The following TTC3 variants were observed in gnomAD, a reference collection of about 807,000 sequenced individuals.
TTC3 encodes E3 ubiquitin-protein ligase TTC3.
TTC3 carries 180 observed loss-of-function variants against 249.6 expected under a neutral mutation model. The ratio of observed to expected loss-of-function variants is 0.72; its 90% CI spans 0.64 to 0.82. TTC3 has a LOEUF of 0.82. Ranked by LOEUF, TTC3 falls within the 40% of genes least tolerant of loss-of-function variation. The pLI is 0.00. For synonymous variants in TTC3, 717 were observed against 805.0 expected (o/e 0.89, Z 1.85); for missense variants, 2,061 against 2,398.4 (o/e 0.86, Z 2.94).
At chr21:37,090,153 A>T (rs2073059844) in intron 5 of TTC3, 80 bp from the exon 6 acceptor site, 1 of 1,074,526 alleles carries the variant, frequency 9.3e-7, no homozygotes, top group Admixed American at 1.9e-5. Context: ...TGTTCCTAAA[A>T]TGTAGGCCAT....
chr21:37,095,157 G>GTC (rs2073794825), intron 8 of TTC3, among the ~76,000 whole-genome samples, 193 bp from the exon 9 acceptor site: 1 of 151,788 alleles, frequency 6.6e-6, no homozygotes, highest in Admixed American at 6.6e-5. Context: ...GTGTGTGTGT[G>GTC]TGTGTGTATA....
At chr21:37,101,416 C>G (rs1429233306) in intron 10 of TTC3, 4 of 147,910 alleles carry the variant, frequency 2.7e-5, no homozygotes, top group African/African-American at 1.0e-4. Flanking sequence ...TCACTCTGCC[C>G]TCTGGTGTGT....
At chr21:37,133,654 C>T (rs1286590888) in intron 17 of TTC3, among the ~76,000 whole-genome samples, 2 of 152,270 alleles carry the variant, frequency 1.3e-5, no homozygotes, top group Non-Finnish European at 1.5e-5. Context: ...GATATGATTT[C>T]GGCCTGCTCT....
At chr21:37,177,057 G>A (rs1267132544) in intron 35 of TTC3, among the ~76,000 whole-genome samples, 1 of 152,130 alleles carries the variant, frequency 6.6e-6, no homozygotes, top group Admixed American at 6.6e-5. Flanking sequence ...GCTCGGCTGG[G>A]TCAGTTCACC....
intron 9 of TTC3, 146 bp from the exon 10 acceptor site, chr21:37,096,435 T>C (rs1295372832): frequency 1.8e-6 from 1 of 553,440 alleles, no homozygotes; most frequent in East Asian, 3.1e-5. Flanking sequence ...CTTCGCCAGT[T>C]AAGACTCCAG....
At chr21:37,162,954 A>T (rs1783035) in intron 31 of TTC3, among the ~76,000 whole-genome samples, 1 of 152,086 alleles carries the variant, frequency 6.6e-6, no homozygotes, top group Non-Finnish European at 1.5e-5. Context: ...TATAAGGGCA[A>T]TAAGTCCATT....
chr21:37,132,574 A>G, intron 16 of TTC3, 108 bp from the exon 17 acceptor site: 3 of 683,570 alleles, frequency 4.4e-6, no homozygotes, highest in Non-Finnish European at 6.7e-6. Context: ...CGGCCTCCCA[A>G]AGTGCTGGGA....
chr21:37,148,593 C>A (rs752499467), exon 23 of TTC3: 4 of 1,605,870 alleles, frequency 2.5e-6, no homozygotes, highest in Non-Finnish European at 3.4e-6. Flanking sequence ...TAGAATTTCA[C>A]ATGAATTGCT....
At chr21:37,077,965 A>T (rs2071131436) in intron 1 of TTC3, among the ~76,000 whole-genome samples, 2 of 152,168 alleles carry the variant, frequency 1.3e-5, no homozygotes, top group Non-Finnish European at 2.9e-5. Flanking sequence ...AGAGGTTTTA[A>T]AATGATGTCT....
intron 1 of TTC3, among the ~76,000 whole-genome samples, chr21:37,076,103 T>C (rs915347445): frequency 6.6e-6 from 1 of 152,224 alleles, no homozygotes; most frequent in African/African-American, 2.4e-5. Flanking sequence ...TTATGCCTTG[T>C]TTTTAAAAAT....
chr21:37,150,104 C>G (rs772157276), exon 24 of TTC3: 1 of 1,611,620 alleles, frequency 6.2e-7, no homozygotes, highest in Non-Finnish European at 8.5e-7. Flanking sequence ...TATGTCTTAC[C>G]CCTGACTGTG....
chr21:37,192,088 C>T (rs767653149), intron 40 of TTC3, 24 bp from the exon 41 acceptor site: 1 of 1,465,166 alleles, frequency 6.8e-7, no homozygotes, highest in Non-Finnish European at 9.4e-7. Flanking sequence ...TGTGGTTTTC[C>T]CACACTTTAC....
intron 7 of TTC3, among the ~76,000 whole-genome samples, chr21:37,092,557 T>G (rs1317306566): frequency 1.3e-5 from 2 of 152,202 alleles, no homozygotes; most frequent in Non-Finnish European, 2.9e-5. Flanking sequence ...ACACTGACTT[T>G]GAGAGGTTAA....
chr21:37,147,391 A>G (rs1312433597), intron 21 of TTC3, 90 bp from the exon 22 acceptor site: 1 of 1,252,310 alleles, frequency 8.0e-7, no homozygotes, highest in African/African-American at 1.6e-5. Context: ...TGCTGAAAAT[A>G]TTTTGATGGC....
At chr21:37,117,024 G>A (rs2076198489) in intron 11 of TTC3, among the ~76,000 whole-genome samples, 2 of 145,482 alleles carry the variant, frequency 1.4e-5, no homozygotes, top group Admixed American at 7.0e-5. Context: ...AATTGTAGGA[G>A]TTTATTTTGT....
chr21:37,137,100 G>A (rs558379336), intron 18 of TTC3, among the ~76,000 whole-genome samples: 1 of 152,274 alleles, frequency 6.6e-6, no homozygotes, highest in East Asian at 1.9e-4. Flanking sequence ...ATTGCTCATT[G>A]ACAATGCACC....
rs2082891491 is a variant in TTC3 at position 37,182,918 on chromosome 21, G to A, written c.4757+5G>A. 4 of 1,547,338 alleles carry A rather than the reference G, an allele frequency of 2.6e-6. No individual in the cohort carries two copies. Among genetic ancestry groups the A allele is most frequent in the Non-Finnish European group, 3.5e-6 (4 of 1,153,802 alleles). On this transcript the variant is annotated splice_donor_5th_base_variant and intron_variant, in intron 36 of 45. Transcript: ENST00000355666. ...GGTTTCAAATGCCAGTGAAATGTAAGTAATGATTGAAAGGCAGTAATTTTT... is the reference window on the plus strand; with the variant it reads ...GGTTTCAAATGCCAGTGAAATGTAAATAATGATTGAAAGGCAGTAATTTTT...
At chr21:37,158,703 T>A (rs1381457983) in intron 28 of TTC3, among the ~76,000 whole-genome samples, 1 of 152,178 alleles carries the variant, frequency 6.6e-6, no homozygotes, top group Non-Finnish European at 1.5e-5. Flanking sequence ...AGAGATCTGT[T>A]TTTCCTCAAT....
At chr21:37,102,976 G>A (rs1287176111) in intron 10 of TTC3, among the ~76,000 whole-genome samples, 1 of 152,164 alleles carries the variant, frequency 6.6e-6, no homozygotes, top group Non-Finnish European at 1.5e-5. Context: ...CAGCCTGGGC[G>A]ATAGAGTGAG....
Sources: gnomAD v4.1 joint callset for allele counts (sites outside exome capture counted in the v4.1 genomes callset) on GRCh38, gnomAD v4.1.1 for gene constraint, MANE v1.5 for transcripts, NCBI Gene and HGNC (gene_info 2026-07-23, HGNC 2026-07-21) for gene names.